KDM4B: variants seen among roughly 807,000 people sequenced by gnomAD.
KDM4B encodes the protein lysine-specific demethylase 4B.
Under a neutral mutation model 125.2 loss-of-function variants are expected in KDM4B, and 32 were observed. The ratio of observed to expected loss-of-function variants is 0.26; its 90% CI spans 0.19 to 0.34. KDM4B has a LOEUF of 0.34. Ranked by LOEUF, KDM4B falls within the 10% of genes least tolerant of loss-of-function variation. KDM4B has a pLI of 1.00. For missense variants in KDM4B, 1,190 were observed against 1,577.7 expected, an observed-to-expected ratio of 0.75 and a Z score of 4.16; for synonymous variants, 721 against 677.9, an observed-to-expected ratio of 1.06 and a Z score of -0.99.
rs187610816 is a variant in KDM4B, at chr19:5,081,331, C to T, written c.781-1036C>T. Among the ~76,000 whole-genome samples, 25 of 152,250 alleles carry T rather than the reference C, an allele frequency of 1.6e-4. No homozygotes were observed. The highest frequency in any genetic ancestry group is 5.8e-4 in the African/African-American group (24 of 41,544). On this transcript the variant is annotated intron_variant, in intron 8 of 22. Coordinates refer to ENST00000159111, the MANE Select transcript of KDM4B (RefSeq NM_015015.3). The surrounding 1 kb of genome is among the most constrained non-coding windows in gnomAD (Gnocchi z 4.2). ...TTTGTTGTTGATCTTTCTGGATGGT[C>T]GTCTTTCAAAGGCTTTATCAACGGG...
At chr19:5,068,190 C>T (rs971840934) in intron 6 of KDM4B, among the ~76,000 whole-genome samples, 1 of 151,640 alleles carries the variant, frequency 6.6e-6, no homozygotes, top group Non-Finnish European at 1.5e-5. Context: ...GTGCATTCTT[C>T]GCTCTTTGGG....
At chr19:5,001,315 C>T (rs971187122) in intron 1 of KDM4B, among the ~76,000 whole-genome samples, 3 of 152,142 alleles carry the variant, frequency 2.0e-5, no homozygotes, top group Non-Finnish European at 2.9e-5. Context: ...TGAGCCACGG[C>T]GCCTGGCCTT....
chr19:5,131,053 ACCTC>A lies in KDM4B; in HGVS notation c.1316-18_1316-15del. The A allele has an allele frequency of 6.8e-7, 1 of 1,475,914 alleles. No individual in the cohort carries two copies. Among genetic ancestry groups the A allele is most frequent in the Non-Finnish European group, 9.0e-7 (1 of 1,107,292 alleles). The allele number at this position is 1,475,914 out of a possible 1,614,324, so 91.4% of individuals were successfully genotyped here. A position where few individuals can be genotyped will look rare whatever the true frequency, so the allele number is the denominator to read the frequency against. ...ACTTGAGCCCGGGTTCTCCTCCCTG[ACCTC>A]CCTCTCCTCTTCCCACAGAGGACGG... On this transcript the variant is annotated intron_variant, in intron 11 of 22. Transcript: ENST00000159111.
At chr19:5,076,748 C>A (rs2038126920) in intron 7 of KDM4B, 2 of 154,682 alleles carry the variant, frequency 1.3e-5, no homozygotes, top group Admixed American at 1.3e-4. Context: ...GTGTCCTTTC[C>A]CCAGGGTCGT....
chr19:5,079,122 G>T (rs562103324), intron 8 of KDM4B: 3 of 152,152 alleles, frequency 2.0e-5, no homozygotes, highest in Admixed American at 1.3e-4. Flanking sequence ...AGAAAAAGCC[G>T]ATCAATAGCA....
chr19:5,091,036 A>G (rs2038690705), intron 9 of KDM4B, among the ~76,000 whole-genome samples: 1 of 152,210 alleles, frequency 6.6e-6, no homozygotes, highest in Middle Eastern at 3.2e-3. Context: ...GGGGCAGATC[A>G]AAAGGATGTT....
chr19:5,067,218 C>T (rs559811802), intron 6 of KDM4B, among the ~76,000 whole-genome samples: 56 of 152,340 alleles, frequency 3.7e-4, no homozygotes, highest in African/African-American at 1.3e-3. Context: ...CCTTGTTGCA[C>T]TGAGCTAAGT....
chr19:5,081,934 A>C lies in KDM4B; in HGVS notation c.781-433A>C, dbSNP rs1555708530. On this transcript the variant is annotated intron_variant, in intron 8 of 22. Transcript: ENST00000159111. This position sits in a 1 kb window ranked among gnomAD's most constrained non-coding sequence, Gnocchi z 4.2. Reference sequence around the variant, plus strand: ...AAACCAGCCCCAGCTGCTTCAGGACATGTCACAGTGACTGTGAGTGTGACT... The same window carrying C: ...AAACCAGCCCCAGCTGCTTCAGGACCTGTCACAGTGACTGTGAGTGTGACT... Among the ~76,000 whole-genome samples, 1 of 152,170 alleles carries C rather than the reference A, an allele frequency of 6.6e-6. No homozygotes were observed. The highest frequency in any genetic ancestry group is 1.5e-5 in the Non-Finnish European group (1 of 68,022).
chr19:5,110,170 G>A (rs558156471), intron 9 of KDM4B, among the ~76,000 whole-genome samples: 1 of 152,190 alleles, frequency 6.6e-6, no homozygotes, highest in Admixed American at 6.5e-5. Flanking sequence ...CCTGACTTGT[G>A]ATAGAAGTTC....
chr19:5,143,902 G>A, intron 18 of KDM4B, 65 bp from the exon 19 acceptor site: 1 of 1,309,344 alleles, frequency 7.6e-7, no homozygotes, highest in Non-Finnish European at 1.1e-6. Context: ...AGGGGCCGGG[G>A]ACTCCGTTCC....
At chr19:5,007,343 C>T (rs2035592811) in intron 1 of KDM4B, among the ~76,000 whole-genome samples, 1 of 152,218 alleles carries the variant, frequency 6.6e-6, no homozygotes, top group African/African-American at 2.4e-5. Context: ...GCATCTCTTC[C>T]TGTGACTGTT....
chr19:4,995,627 C>T (rs1023981517), intron 1 of KDM4B, among the ~76,000 whole-genome samples: 1 of 152,172 alleles, frequency 6.6e-6, no homozygotes, highest in Non-Finnish European at 1.5e-5. Flanking sequence ...GTGCCATCAT[C>T]GTTTTGATGA....
intron 11 of KDM4B, among the ~76,000 whole-genome samples, chr19:5,125,730 C>T (rs1036737992): frequency 5.6e-4 from 86 of 152,316 alleles, no homozygotes; most frequent in Middle Eastern, 3.4e-3. Flanking sequence ...GTTGGTGGCA[C>T]GTCAGGGTCT....
intron 1 of KDM4B, among the ~76,000 whole-genome samples, chr19:4,970,849 T>A (rs1269771927): frequency 1.3e-5 from 2 of 152,196 alleles, no homozygotes; most frequent in Non-Finnish European, 2.9e-5. Flanking sequence ...CGAGGATTTC[T>A]GGGACTTGCC....
At chr19:5,113,385 G>A (rs914213623) in intron 10 of KDM4B, 6 of 150,734 alleles carry the variant, frequency 4.0e-5, no homozygotes, top group Non-Finnish European at 7.4e-5. Flanking sequence ...CTCTGGAGAG[G>A]CAGATGGGTG....
chr19:5,125,420 C>G (rs376948274), intron 11 of KDM4B, among the ~76,000 whole-genome samples: 4 of 152,324 alleles, frequency 2.6e-5, no homozygotes, highest in South Asian at 4.1e-4. Flanking sequence ...CCTCCCCTGA[C>G]AGTGGCAGTT....
intron 11 of KDM4B, among the ~76,000 whole-genome samples, chr19:5,121,308 C>CGTCT (rs397859486): frequency 6.6e-6 from 1 of 152,126 alleles, no homozygotes; most frequent in African/African-American, 2.4e-5. Context: ...GTGGGCCCTG[C>CGTCT]GTCTGTTCAG....
intron 1 of KDM4B, among the ~76,000 whole-genome samples, chr19:5,005,187 A>C (rs1417578157): frequency 6.6e-6 from 1 of 152,168 alleles, no homozygotes; most frequent in Non-Finnish European, 1.5e-5. Flanking sequence ...TCACCCCATG[A>C]CATCTGAGGC....
chr19:5,013,811 G>A (rs1269859728), intron 1 of KDM4B, among the ~76,000 whole-genome samples: 1 of 152,228 alleles, frequency 6.6e-6, no homozygotes, highest in Non-Finnish European at 1.5e-5. Context: ...GTTAGGATGG[G>A]GACATCTTTG....
Sources: allele counts gnomAD v4.1 joint callset (sites outside exome capture counted in the v4.1 genomes callset), GRCh38; gene constraint gnomAD v4.1.1; non-coding constraint Gnocchi (gnomAD v3.1); transcripts MANE v1.5; gene names NCBI Gene and HGNC (gene_info 2026-07-23, HGNC 2026-07-21).